Variants in DCC observed in about 807,000 individuals in gnomAD.
The protein encoded by DCC is netrin receptor DCC.
In DCC, 58 loss-of-function variants were observed where a neutral mutation model predicts 172.5. The ratio of observed to expected loss-of-function variants is 0.34; its 90% CI spans 0.27 to 0.42. The LOEUF (loss-of-function observed/expected upper bound fraction) is 0.42. Ranked by LOEUF, DCC falls within the 10% of genes least tolerant of loss-of-function variation. The pLI, the probability that DCC is intolerant of heterozygous loss-of-function variation, is 1.00. For missense variants in DCC, 1,740 were observed against 1,791.0 expected, an observed-to-expected ratio of 0.97 and a Z score of 0.51; for synonymous variants, 709 against 644.5, an observed-to-expected ratio of 1.10 and a Z score of -1.52.
At chr18:52,401,734 C>G (rs1482997043) in intron 1 of DCC, among the ~76,000 whole-genome samples, 2 of 151,940 alleles carry the variant, frequency 1.3e-5, no homozygotes, top group Non-Finnish European at 2.9e-5. Context: ...GTGAGATTTA[C>G]TAGGAAAAGA....
intron 1 of DCC, among the ~76,000 whole-genome samples, chr18:52,706,694 C>T (rs1174670402): frequency 6.6e-6 from 1 of 152,134 alleles, no homozygotes; most frequent in Non-Finnish European, 1.5e-5. Context: ...ATTCTGCACC[C>T]ACCACGACCA....
intron 2 of DCC, among the ~76,000 whole-genome samples, chr18:52,831,342 G>T (rs1165036690): frequency 6.6e-6 from 1 of 152,130 alleles, no homozygotes; most frequent in African/African-American, 2.4e-5. Context: ...TGTATGAAAT[G>T]AAAAGCCAAA....
intron 21 of DCC, among the ~76,000 whole-genome samples, chr18:53,421,546 A>C (rs1195090351): frequency 1.3e-5 from 2 of 152,208 alleles, no homozygotes; most frequent in African/African-American, 4.8e-5. Flanking sequence ...ACAAGGAGGA[A>C]GAATTACTCT....
intron 1 of DCC, among the ~76,000 whole-genome samples, chr18:52,491,611 T>C (rs966191744): frequency 6.6e-6 from 1 of 152,116 alleles, no homozygotes; most frequent in Non-Finnish European, 1.5e-5. Context: ...ATTTCAATAG[T>C]GCTGGTGAAA....
chr18:53,137,093 T>C (rs945615888), intron 7 of DCC, among the ~76,000 whole-genome samples: 3 of 152,236 alleles, frequency 2.0e-5, no homozygotes, highest in Admixed American at 6.5e-5. Context: ...TAGACTGATA[T>C]ATTCATTTTC....
At chr18:53,094,005 T>TA (rs1184556662) in intron 7 of DCC, among the ~76,000 whole-genome samples, 13 of 152,114 alleles carry the variant, frequency 8.5e-5, no homozygotes, top group Admixed American at 1.3e-4. Flanking sequence ...TAAAGTGCTT[T>TA]AAAAAAAGTC....
At chr18:53,476,491 C>T (rs1178207569) in intron 25 of DCC, among the ~76,000 whole-genome samples, 1 of 152,214 alleles carries the variant, frequency 6.6e-6, no homozygotes, top group East Asian at 1.9e-4. Flanking sequence ...AAATGAGAGT[C>T]TCCTTGCACA....
chr18:53,238,894 A>G (rs1159412090), intron 12 of DCC, among the ~76,000 whole-genome samples: 1 of 152,124 alleles, frequency 6.6e-6, no homozygotes, highest in Admixed American at 6.6e-5. Context: ...TAAATTAGCC[A>G]TACCTAGTAT....
intron 22 of DCC, among the ~76,000 whole-genome samples, 166 bp downstream of exon 22, chr18:53,435,375 C>CAA (rs59995453): frequency 1.3e-5 from 2 of 150,620 alleles, no homozygotes; most frequent in African/African-American, 4.9e-5. Context: ...AAAACAAAAA[C>CAA]AAAAAAAACA....
chr18:53,148,822 C>G (rs1331830524), intron 7 of DCC, among the ~76,000 whole-genome samples: 4 of 149,188 alleles, frequency 2.7e-5, no homozygotes, highest in Admixed American at 6.7e-5. Context: ...CCTCAACTTA[C>G]TTGATCTACC....
intron 25 of DCC, among the ~76,000 whole-genome samples, chr18:53,486,436 C>G (rs1434813087): frequency 6.6e-6 from 1 of 152,112 alleles, no homozygotes; most frequent in African/African-American, 2.4e-5. Flanking sequence ...TGTGAACAAC[C>G]TAACCTTTCT....
At chr18:52,489,156 A>G (rs2030373450) in intron 1 of DCC, among the ~76,000 whole-genome samples, 1 of 152,116 alleles carries the variant, frequency 6.6e-6, no homozygotes, top group Non-Finnish European at 1.5e-5. Context: ...CTGATTCAGT[A>G]AGTTTGAGGT....
intron 1 of DCC, among the ~76,000 whole-genome samples, chr18:52,372,897 A>G (rs943772624): frequency 1.3e-5 from 2 of 152,214 alleles, no homozygotes; most frequent in African/African-American, 4.8e-5. Flanking sequence ...ACCATTGGAA[A>G]CAATTTATTG....
In DCC at chr18:52,365,957, G is replaced by A. The variant is rs186990778; in HGVS notation, c.91+25079G>A. Among the ~76,000 whole-genome samples the A allele has an allele frequency of 1.3e-3, 193 of 152,186 alleles. 4 individuals are homozygous for A. The South Asian group carries it at 0.021, about 17-fold the overall frequency. ...CTGACCCCTGTACCAGGCTCTTACC[G>A]CTTGATCACACACCTGTGTTTAAAC... On this transcript the variant is annotated intron_variant, in intron 1 of 28. Transcript: ENST00000442544.
chr18:52,977,338 A>G (rs937792045), intron 5 of DCC, among the ~76,000 whole-genome samples: 1 of 152,110 alleles, frequency 6.6e-6, no homozygotes, highest in Non-Finnish European at 1.5e-5. Flanking sequence ...CCTGGGCCCC[A>G]GGGATTCTGA....
intron 1 of DCC, among the ~76,000 whole-genome samples, chr18:52,673,757 A>G (rs1405546333): frequency 6.6e-6 from 1 of 152,226 alleles, no homozygotes; most frequent in East Asian, 1.9e-4. Flanking sequence ...CTTTCACTGA[A>G]GACTCAAGTC....
chr18:53,450,378 A>G, intron 22 of DCC, 122 bp from the exon 23 acceptor site: 1 of 1,037,858 alleles, frequency 9.6e-7, no homozygotes, highest in Non-Finnish European at 1.5e-6. Flanking sequence ...TCGAACTCCC[A>G]TCACTACCCC....
At chr18:53,128,866 CACACATATATATAT>C (rs2043608232) in intron 7 of DCC, among the ~76,000 whole-genome samples, 1 of 86,928 alleles carries the variant, frequency 1.2e-5, no homozygotes, top group African/African-American at 5.3e-5. Context: ...CACACACACA[CACACATATATATAT>C]ATATATATAT....
intron 1 of DCC, among the ~76,000 whole-genome samples, chr18:52,534,442 C>T (rs2032234461): frequency 6.6e-6 from 1 of 152,130 alleles, no homozygotes; most frequent in African/African-American, 2.4e-5. Flanking sequence ...TAGATTAATT[C>T]ACACATTTTG....
Sources: allele counts gnomAD v4.1 joint callset (sites outside exome capture counted in the v4.1 genomes callset), GRCh38; gene constraint gnomAD v4.1.1; transcripts MANE v1.5; gene names NCBI Gene and HGNC (gene_info 2026-07-23, HGNC 2026-07-21).